Variants in ELOA observed in about 807,000 individuals in gnomAD.
ELOA encodes the protein elongin A, also known as elongin-A.
In ELOA, 15 loss-of-function variants were observed where a neutral mutation model predicts 85.2. That is an observed-to-expected ratio of 0.18 (90% CI 0.12 to 0.27). The LOEUF is 0.27. Ranked by LOEUF, ELOA falls within the 10% of genes least tolerant of loss-of-function variation. The pLI is 1.00. For missense variants in ELOA, 769 were observed against 952.7 expected, an observed-to-expected ratio of 0.81 and a Z score of 2.54; for synonymous variants, 348 against 357.2, an observed-to-expected ratio of 0.97 and a Z score of 0.29.
At chr1:23,753,912 A>T (rs1056539094) in intron 5 of ELOA, among the ~76,000 whole-genome samples, 188 bp from the exon 6 acceptor site, 129 of 152,194 alleles carry the variant, frequency 8.5e-4, no homozygotes, top group East Asian at 3.9e-4. Flanking sequence ...TTGACCTCAG[A>T]TGATTCATGT....
chr1:23,752,577 C>A, intron 5 of ELOA, 59 bp downstream of exon 5: 1 of 1,512,214 alleles, frequency 6.6e-7, no homozygotes, highest in Non-Finnish European at 9.0e-7. Context: ...TCATTCAAGG[C>A]AGGGTACAGT....
chr1:23,754,081 T>C lies in ELOA; in HGVS notation c.1538-19T>C, dbSNP rs1455802833. Reference sequence around the variant, plus strand: ...TCACTGGATCACTTAGGGCCTTTTGTGTTTTTCTTGCCCTATAGCGTTCTC... The same window carrying C: ...TCACTGGATCACTTAGGGCCTTTTGCGTTTTTCTTGCCCTATAGCGTTCTC... On this transcript the variant is annotated intron_variant, in intron 5 of 10. Transcript: ENST00000613537. 1.2e-6 allele frequency: 2 copies of C among 1,612,760 alleles called. No homozygotes were observed.
chr1:23,755,560 T>C (rs1340222291), intron 7 of ELOA, among the ~76,000 whole-genome samples: 1 of 151,898 alleles, frequency 6.6e-6, no homozygotes, highest in African/African-American at 2.4e-5. Flanking sequence ...GGTGGGCGGA[T>C]TATCTGAGGT....
chr1:23,745,028 A>G (rs558805462), intron 1 of ELOA, among the ~76,000 whole-genome samples: 22 of 152,344 alleles, frequency 1.4e-4, no homozygotes, highest in Admixed American at 2.6e-4. Flanking sequence ...CAAAGGCCGT[A>G]CACAGCCTCT....
chr1:23,759,631 G>C lies in ELOA; in HGVS notation c.*58G>C. On this transcript the variant is annotated 3_prime_UTR_variant, in exon 11 of 11. Coordinates refer to ENST00000613537, the MANE Select transcript of ELOA (RefSeq NM_003198.3). ...GAGGCAGGAATACAAGGACAGTGGG[G>C]GTTGGGGAATGGAATTCTACAGGAG... 1 of 1,585,650 alleles carries C rather than the reference G, an allele frequency of 6.3e-7. No individual in the cohort carries two copies. Among genetic ancestry groups the C allele is most frequent in the South Asian group, 1.1e-5 (1 of 90,494 alleles).
chr1:23,756,327 G>A lies in ELOA; in HGVS notation c.2026G>A (p.Val676Ile), dbSNP rs756341375. The stretch of plus-strand genomic sequence containing the variant: ...CTCTGTGGCCAAGCCACCTCGTGAC[G>A]TCCGGAGGAGGCAGGAAAAGTTTGG... ...VNSVAKPPRD[V>I]RRRQEKFGTG... Residue 676 changes from valine to isoleucine, a missense_variant, in exon 9 of 11, where the codon GTC (valine) becomes ATC (isoleucine). Val to Ile is a conservative substitution (Grantham distance 29). This residue lies in a region of ELOA where 116 missense variants were observed against 141.0 expected (regional missense o/e 0.82). Coordinates refer to ENST00000613537, the MANE Select transcript of ELOA (RefSeq NM_003198.3). 49 of 1,581,298 alleles carry A rather than the reference G, an allele frequency of 3.1e-5. No individual in the cohort carries two copies. Among genetic ancestry groups the A allele is most frequent in the African/African-American group, 4.0e-5 (3 of 74,446 alleles).
rs1236300767 is a variant in ELOA, at chr1:23,755,968, G to T, written c.1917G>T (p.Gln639His). The part of the protein sequence containing the change: ...MYLRLQDARE[Q>H]RLRVLTKNIQ... ...TGCGGCTTCAGGACGCCCGAGAGCA[G>T]CGGCTACGAGTACTAACAAAGAATA... is the stretch of plus-strand genomic sequence containing the variant. The change falls in exon 8 of 11, where the codon CAG (glutamine) becomes CAT (histidine). Residue 639 changes from glutamine to histidine, a missense_variant. Around this residue, in one of 4 missense-constraint regions of ELOA, gnomAD observed 20 missense variants for 58.8 expected, o/e 0.34. Transcript: ENST00000613537. 6.2e-7 allele frequency: 1 copy of T among 1,613,818 alleles called. No individual in the cohort carries two copies. The highest frequency in any genetic ancestry group is 8.5e-7 in the Non-Finnish European group (1 of 1,179,998).
rs573289294 is a variant in ELOA at position 23,754,583 on chromosome 1, A to G, written c.1791+123A>G. On this transcript the variant is annotated intron_variant, in intron 7 of 10. Coordinates refer to ENST00000613537, the MANE Select transcript of ELOA (RefSeq NM_003198.3). The stretch of plus-strand genomic sequence containing the variant: ...CAGTGGTCAGAGCATTGTTCTGGAT[A>G]TATTTGGTTTGCCACTGGGCCTTTA... The G allele has an allele frequency of 4.0e-4, 316 of 793,198 alleles. 4 individuals are homozygous for G. In the South Asian group the frequency reaches 5.2e-3, roughly 13 times the overall value. The allele number at this position is 793,198 out of a possible 1,614,324, so 49.1% of individuals were successfully genotyped here.
chr1:23,751,465 A>T lies in ELOA; in HGVS notation c.860A>T (p.Asp287Val), dbSNP rs1046864856. The T allele has an allele frequency of 6.2e-7, 1 of 1,614,078 alleles. No homozygotes were observed. Among genetic ancestry groups the T allele is most frequent in the Non-Finnish European group, 8.5e-7 (1 of 1,180,032 alleles). ...KEENRRPPSG[D>V]NAREKPPSSG... ...GAGAACCGAAGGCCACCCTCAGGGG[A>T]CAATGCAAGGGAGAAACCGCCCTCT... Residue 287 changes from aspartate (D) to valine (V), a missense_variant, in exon 4 of 11, where the codon GAC becomes GTC. Transcript: ENST00000613537.
Position 23,753,378 on chromosome 1 carries a change from T to C in ELOA, c.1538-722T>C, listed in dbSNP as rs78608591. The stretch of plus-strand genomic sequence containing the variant: ...CTCAGTTTAATGAATTCAGAAGTGA[T>C]GCCTTTTTGCTCTGGGTTTATCACA... On this transcript the variant is annotated intron_variant, in intron 5 of 10. Transcript: ENST00000613537. 4.3e-3 allele frequency among the ~76,000 whole-genome samples: 655 copies of C among 152,348 alleles called. 7 individuals are homozygous for C. The highest frequency in any genetic ancestry group is 0.015 in the African/African-American group (624 of 41,570).
chr1:23,755,689 A>G (rs923420721), intron 7 of ELOA, among the ~76,000 whole-genome samples, 154 bp from the exon 8 acceptor site: 1 of 151,902 alleles, frequency 6.6e-6, no homozygotes, highest in Non-Finnish European at 1.5e-5. Context: ...CTGAGGCGTG[A>G]GAATCGCTTG....
In ELOA at chr1:23,756,974, C is replaced by T; in HGVS notation, c.2106C>T (p.Pro702=). 6.4e-7 allele frequency: 1 copy of T among 1,563,674 alleles called. No homozygotes were observed. Among genetic ancestry groups the T allele is most frequent in the Non-Finnish European group, 8.6e-7 (1 of 1,158,954 alleles). ...EKIKIKPAPY[P]MGSSHASASS... ...GCAGGATCAAGCCAGCCCCGTACCC[C>T]ATGGGAAGCAGCCATGCTTCCGCCA... The change falls in exon 10 of 11, where the codon CCC becomes CCT. Residue 702 remains proline, a synonymous_variant. Coordinates refer to ENST00000613537, the MANE Select transcript of ELOA (RefSeq NM_003198.3).
rs1480631647 is a variant in ELOA at position 23,755,887 on chromosome 1, C to T, written c.1836C>T (p.His612=). 6.2e-7 allele frequency: 1 copy of T among 1,613,128 alleles called. No homozygotes were observed. The change falls in exon 8 of 11, where the codon CAC becomes CAT. Residue 612 remains histidine (H), a synonymous_variant. Coordinates refer to ENST00000613537, the MANE Select transcript of ELOA (RefSeq NM_003198.3). ...ETDQLWKVHC[H]RDFKEERPEE... ...ATCAATTATGGAAAGTTCATTGTCA[C>T]CGAGACTTTAAGGAAGAAAGACCCG... is the stretch of plus-strand genomic sequence containing the variant.
At position 23,749,087 on chromosome 1, in the gene ELOA, G is replaced by C. The variant is rs374392818; in HGVS notation, c.132+10G>C. On this transcript the variant is annotated intron_variant, in intron 2 of 10. Transcript: ENST00000613537. Reference sequence around the variant, plus strand: ...AGTAGACATTCTTGCGGTAAGAACTGTGTGACTTTAAATATTATATAATGA... The same window carrying C: ...AGTAGACATTCTTGCGGTAAGAACTCTGTGACTTTAAATATTATATAATGA... 4.4e-6 allele frequency: 7 copies of C among 1,605,554 alleles called. No homozygotes were observed. The highest frequency in any genetic ancestry group is 6.0e-6 in the Non-Finnish European group (7 of 1,172,744).
chr1:23,750,718 CTT>C, intron 3 of ELOA, 125 bp from the exon 4 acceptor site: 2 of 857,962 alleles, frequency 2.3e-6, no homozygotes, highest in Non-Finnish European at 3.4e-6. Context: ...ACCTACTTAT[CTT>C]CTTCTTAAGA....
Position 23,756,973 on chromosome 1 carries a change from C to T in ELOA, c.2105C>T (p.Pro702Leu). ...TGCAGGATCAAGCCAGCCCCGTACC[C>T]CATGGGAAGCAGCCATGCTTCCGCC... Reference protein sequence around the residue: ...EKIKIKPAPYPMGSSHASASS... With the variant: ...EKIKIKPAPYLMGSSHASASS... The change falls in exon 10 of 11, where the codon CCC (proline) becomes CTC (leucine). Residue 702 changes from proline (P) to leucine (L), a missense_variant. Physicochemically the swap from Pro to Leu is moderately conservative, Grantham distance 98 (BLOSUM62 -3). Transcript: ENST00000613537. 1 of 1,561,982 alleles carries T rather than the reference C, an allele frequency of 6.4e-7. No homozygotes were observed.
chr1:23,749,825 A>T lies in ELOA; in HGVS notation c.133-17A>T. 6.2e-7 allele frequency: 1 copy of T among 1,611,810 alleles called. No homozygotes were observed. Among genetic ancestry groups the T allele is most frequent in the Non-Finnish European group, 8.5e-7 (1 of 1,178,292 alleles). On this transcript the variant is annotated splice_polypyrimidine_tract_variant and intron_variant, in intron 2 of 10. Coordinates refer to ENST00000613537, the MANE Select transcript of ELOA (RefSeq NM_003198.3). Reference sequence around the variant, plus strand: ...CTAGTTCCAGACCCCTCTAACAATTACTTTGTCAAATTTTAGGAGACTGGG... The same window carrying T: ...CTAGTTCCAGACCCCTCTAACAATTTCTTTGTCAAATTTTAGGAGACTGGG...
intron 10 of ELOA, 31 bp downstream of exon 10, chr1:23,757,156 TATTTC>T (rs1644797893): frequency 2.6e-6 from 4 of 1,513,572 alleles, no homozygotes; most frequent in Non-Finnish European, 3.5e-6. Flanking sequence ...GCTCAAATAT[TATTTC>T]AGCACTAGTT....
chr1:23,751,387 A>G lies in ELOA; in HGVS notation c.782A>G (p.Glu261Gly). ...DKRPVDAKSD[E>G]KASVVSREKS... ...CGCCCCGTGGATGCCAAGAGTGATG[A>G]GAAGGCCTCTGTGGTGAGCAGAGAG... The change falls in exon 4 of 11, where the codon GAG (glutamate) becomes GGG (glycine). Residue 261 changes from glutamate (E) to glycine (G), a missense_variant. Physicochemically the swap from Glu to Gly is moderately conservative, Grantham distance 98. Coordinates refer to ENST00000613537, the MANE Select transcript of ELOA (RefSeq NM_003198.3). 1.2e-6 allele frequency: 2 copies of G among 1,614,232 alleles called. No homozygotes were observed. The highest frequency in any genetic ancestry group is 1.7e-6 in the Non-Finnish European group (2 of 1,180,044).
Sources: allele counts gnomAD v4.1 joint callset (sites outside exome capture counted in the v4.1 genomes callset), GRCh38; gene constraint gnomAD v4.1.1; regional missense constraint gnomAD v4.1.1; transcripts MANE v1.5; gene names NCBI Gene and HGNC (gene_info 2026-07-23, HGNC 2026-07-21).